The following DTNB variants were observed in gnomAD, a reference collection of about 807,000 sequenced individuals.
DTNB encodes DTN-B.
DTNB carries 63 observed loss-of-function variants against 90.7 expected under a neutral mutation model. The ratio of observed to expected loss-of-function variants is 0.69; its 90% CI spans 0.57 to 0.86. The LOEUF (loss-of-function observed/expected upper bound fraction) is 0.86. DTNB is among the 40% of genes least tolerant of loss of function. The pLI is 0.00. For synonymous variants in DTNB, 277 were observed against 286.7 expected (o/e 0.97, Z 0.34); for missense variants, 744 against 807.1 (o/e 0.92, Z 0.95).
chr2:25,578,747 T>C (rs537586512), intron 7 of DTNB, among the ~76,000 whole-genome samples: 1 of 152,328 alleles, frequency 6.6e-6, no homozygotes, highest in African/African-American at 2.4e-5. Context: ...AGTTACCTTG[T>C]TATATACCTA....
At chr2:25,461,910 T>G (rs1029773639) in intron 10 of DTNB, among the ~76,000 whole-genome samples, 3 of 152,140 alleles carry the variant, frequency 2.0e-5, no homozygotes, top group African/African-American at 7.2e-5. Context: ...AGAGCTAAAA[T>G]GAGGAGTGAC....
intron 6 of DTNB, among the ~76,000 whole-genome samples, chr2:25,588,262 T>C (rs1335968834): frequency 1.3e-5 from 2 of 152,222 alleles, no homozygotes; most frequent in Admixed American, 6.5e-5. Context: ...TGCTGAATAT[T>C]TGTTTTACTA....
At chr2:25,380,794 T>A (rs893892368) in intron 19 of DTNB, among the ~76,000 whole-genome samples, 1 of 144,304 alleles carries the variant, frequency 6.9e-6, no homozygotes, top group Non-Finnish European at 1.6e-5. Flanking sequence ...CCCAGTCTGA[T>A]GTGGACAGTG....
chr2:25,665,882 T>C (rs2084321053), intron 1 of DTNB, among the ~76,000 whole-genome samples: 1 of 151,972 alleles, frequency 6.6e-6, no homozygotes, highest in Non-Finnish European at 1.5e-5. Context: ...AAAAATTCAG[T>C]AACTGCACTC....
chr2:25,661,958 C>G (rs954080138), intron 1 of DTNB, among the ~76,000 whole-genome samples: 1 of 151,856 alleles, frequency 6.6e-6, no homozygotes, highest in Non-Finnish European at 1.5e-5. Flanking sequence ...AGTTGGAGAC[C>G]AGCCTGCCCT....
At chr2:25,669,088 G>C (rs1041056992) in intron 1 of DTNB, among the ~76,000 whole-genome samples, 1 of 152,196 alleles carries the variant, frequency 6.6e-6, no homozygotes, top group African/African-American at 2.4e-5. Flanking sequence ...CATAGAGACA[G>C]AAAGTAGAAT....
intron 9 of DTNB, among the ~76,000 whole-genome samples, chr2:25,491,741 G>A (rs745960516): frequency 2.6e-4 from 40 of 151,738 alleles, no homozygotes; most frequent in Non-Finnish European, 5.3e-4. Flanking sequence ...TATGACTTAG[G>A]AATAGAATCA....
chr2:25,587,895 C>A (rs990555811), intron 6 of DTNB, among the ~76,000 whole-genome samples: 3 of 152,144 alleles, frequency 2.0e-5, no homozygotes, highest in Non-Finnish European at 4.4e-5. Context: ...TTGTAAGACA[C>A]ACCATTATTT....
chr2:25,440,611 T>C (rs2057152468), intron 12 of DTNB, among the ~76,000 whole-genome samples: 2 of 152,230 alleles, frequency 1.3e-5, no homozygotes, highest in South Asian at 4.1e-4. Flanking sequence ...CATGAGGACA[T>C]GCAGAGAAAT....
rs138493033 is a variant in DTNB at position 25,490,881 on chromosome 2, T to A, written c.1002-8008A>T. ...TTATTTATACATACACACAGCACAC[T>A]CAACTACATCATAAGCATAAAATGA... On this transcript the variant is annotated intron_variant, in intron 9 of 20. Coordinates refer to ENST00000406818, the MANE Select transcript of DTNB (RefSeq NM_021907.5). Among the ~76,000 whole-genome samples, 13 of 152,170 alleles carry A rather than the reference T, an allele frequency of 8.5e-5. No homozygotes were observed. In the East Asian group the frequency reaches 1.2e-3, roughly 14 times the overall value.
At chr2:25,483,040 G>A (rs1213531422) in intron 9 of DTNB, among the ~76,000 whole-genome samples, 167 bp from the exon 10 acceptor site, 1 of 151,608 alleles carries the variant, frequency 6.6e-6, no homozygotes, top group African/African-American at 2.4e-5. Context: ...CCCATGGGGA[G>A]GTGGGGACCC....
chr2:25,526,388 TA>T (rs1385221829), intron 9 of DTNB, among the ~76,000 whole-genome samples: 1,437 of 61,866 alleles, frequency 0.023, 21 homozygotes, highest in Admixed American at 0.04. Flanking sequence ...TATATATATA[TA>T]TATATATTTT....
At chr2:25,403,141 A>G (rs2044180903) in intron 16 of DTNB, among the ~76,000 whole-genome samples, 1 of 151,964 alleles carries the variant, frequency 6.6e-6, no homozygotes. Flanking sequence ...TTTGAGACAG[A>G]GTCTTGCTCT....
intron 4 of DTNB, among the ~76,000 whole-genome samples, chr2:25,609,661 C>T (rs926076578): frequency 0.28 from 4,603 of 16,390 alleles, 140 homozygotes; most frequent in Non-Finnish European, 0.38. Context: ...AGAATGTACA[C>T]ACACACACAC....
At chr2:25,580,885 GT>G in intron 6 of DTNB, 59 bp from the exon 7 acceptor site, 1 of 1,448,596 alleles carries the variant, frequency 6.9e-7, no homozygotes, top group South Asian at 1.3e-5. Flanking sequence ...CAAACTCCAA[GT>G]TTAATTTAGG....
intron 8 of DTNB, among the ~76,000 whole-genome samples, chr2:25,549,519 C>A (rs1421545990): frequency 1.3e-5 from 2 of 151,994 alleles, no homozygotes; most frequent in Non-Finnish European, 2.9e-5. Context: ...GTTTTTATTT[C>A]CCTTTTTGCT....
intron 8 of DTNB, among the ~76,000 whole-genome samples, chr2:25,556,683 T>C (rs975553185): frequency 2.0e-5 from 3 of 152,092 alleles, no homozygotes; most frequent in Non-Finnish European, 2.9e-5. Flanking sequence ...CAGTGTGATA[T>C]AGCGGGCCAT....
intron 5 of DTNB, among the ~76,000 whole-genome samples, chr2:25,606,220 G>C (rs1016716636): frequency 6.6e-6 from 1 of 151,030 alleles, no homozygotes; most frequent in Non-Finnish European, 1.5e-5. Context: ...GAGGAATATT[G>C]CAAGGACTCA....
chr2:25,396,509 T>TAA (rs2042397999), intron 16 of DTNB, among the ~76,000 whole-genome samples: 1 of 146,428 alleles, frequency 6.8e-6, no homozygotes, highest in Non-Finnish European at 1.5e-5. Context: ...AGACACTGTC[T>TAA]CAGGAGGAAA....
Sources: allele counts gnomAD v4.1 joint callset (sites outside exome capture counted in the v4.1 genomes callset), GRCh38; gene constraint gnomAD v4.1.1; transcripts MANE v1.5; gene names NCBI Gene and HGNC (gene_info 2026-07-23, HGNC 2026-07-21).